The following CIB4 variants were observed in gnomAD, a reference collection of about 807,000 sequenced individuals.
The protein encoded by CIB4 is calcium and integrin binding family member 4, also known as calcium and integrin-binding family member 4.
CIB4 carries 25 observed loss-of-function variants against 25.8 expected under a neutral mutation model. The ratio of observed to expected loss-of-function variants is 0.97; its 90% CI spans 0.71 to 1.35. The LOEUF (loss-of-function observed/expected upper bound fraction) is 1.35. Among genes scored for constraint, CIB4 ranks in the 40% most tolerant of loss-of-function variants. CIB4 has a pLI of 0.00. For synonymous variants in CIB4, 75 were observed against 81.4 expected, an observed-to-expected ratio of 0.92 and a Z score of 0.42; for missense variants, 235 against 228.2, an observed-to-expected ratio of 1.03 and a Z score of -0.19.
At chr2:26,618,848 T>C in intron 3 of CIB4, among the ~76,000 whole-genome samples, 1 of 152,160 alleles carries the variant, frequency 6.6e-6, no homozygotes, top group East Asian at 1.9e-4. Context: ...GGGAAGGAGA[T>C]GCTGACGGGC....
At chr2:26,632,508 G>A (rs1053192053) in intron 2 of CIB4, among the ~76,000 whole-genome samples, 2 of 152,190 alleles carry the variant, frequency 1.3e-5, no homozygotes, top group African/African-American at 4.8e-5. Flanking sequence ...TGTAATCCCA[G>A]CACTATGGGA....
At chr2:26,612,571 A>C (rs1438924027) in intron 3 of CIB4, among the ~76,000 whole-genome samples, 3 of 151,846 alleles carry the variant, frequency 2.0e-5, no homozygotes, top group African/African-American at 7.3e-5. Context: ...CTAAGGAGGA[A>C]GGGACTCAAG....
At position 26,615,335 on chromosome 2, in the gene CIB4, T is replaced by A. The variant is rs1238507546; in HGVS notation, c.186+14075A>T. Among the ~76,000 whole-genome samples, 7 of 152,062 alleles carry A rather than the reference T, an allele frequency of 4.6e-5. No individual in the cohort carries two copies. In the East Asian group the frequency reaches 1.4e-3, roughly 29 times the overall value. ...GGTGAGCAGTGGGAAGTGTTACCCA[T>A]CCGTTGTCCCCTGCAAGAGGTACCA... On this transcript the variant is annotated intron_variant, in intron 3 of 6. Coordinates refer to ENST00000288861, the MANE Select transcript of CIB4 (RefSeq NM_001029881.3).
intron 3 of CIB4, among the ~76,000 whole-genome samples, chr2:26,612,764 G>A (rs573019818): frequency 5.3e-5 from 8 of 152,320 alleles, no homozygotes; most frequent in South Asian, 2.1e-4. Context: ...GCTGCTCCCC[G>A]TGACGACTTT....
intron 3 of CIB4, among the ~76,000 whole-genome samples, chr2:26,597,483 T>G (rs1409285300): frequency 6.6e-6 from 1 of 152,038 alleles, no homozygotes; most frequent in Admixed American, 6.5e-5. Context: ...AGCTCAATCT[T>G]AAAGCAAGAT....
chr2:26,634,621 C>T (rs546623147), intron 2 of CIB4, among the ~76,000 whole-genome samples: 1 of 152,288 alleles, frequency 6.6e-6, no homozygotes, highest in South Asian at 2.1e-4. Flanking sequence ...GACACTCCCC[C>T]GTGTTTGCAC....
chr2:26,637,991 G>A (rs1669565056), intron 2 of CIB4, among the ~76,000 whole-genome samples: 1 of 152,086 alleles, frequency 6.6e-6, no homozygotes, highest in Admixed American at 6.5e-5. Flanking sequence ...ATGCAGTGGC[G>A]TCCCCAACCC....
rs1259404958 is a variant in CIB4 at position 26,601,227 on chromosome 2, AAAAAATAT to A, written c.187-5918_187-5911del. Among the ~76,000 whole-genome samples, 43 of 44,382 alleles carry A rather than the reference AAAAAATAT, an allele frequency of 9.7e-4. 1 individual carries two copies. Among genetic ancestry groups the A allele is most frequent in the East Asian group, 3.8e-3 (4 of 1,050 alleles). 29.1% of individuals were successfully genotyped at this position (44,382 alleles called of 152,430 possible). A position where few individuals can be genotyped will look rare whatever the true frequency, so the allele number is the denominator to read the frequency against. On this transcript the variant is annotated intron_variant, in intron 3 of 6. Coordinates refer to ENST00000288861, the MANE Select transcript of CIB4 (RefSeq NM_001029881.3). ...AGAGTGAGACCATGTCAAAAAAAAA[AAAAAATAT>A]ATATATATATATATATATATATATA...
At chr2:26,593,566 T>C (rs1026727859) in intron 4 of CIB4, among the ~76,000 whole-genome samples, 1 of 152,194 alleles carries the variant, frequency 6.6e-6, no homozygotes, top group Admixed American at 6.5e-5. Flanking sequence ...AATTCCAACA[T>C]CTAGGTCATG....
At chr2:26,615,975 C>A (rs1222679306) in intron 3 of CIB4, among the ~76,000 whole-genome samples, 1 of 152,226 alleles carries the variant, frequency 6.6e-6, no homozygotes, top group Non-Finnish European at 1.5e-5. Flanking sequence ...CGACTGGCAT[C>A]AGGCGTCGGG....
Position 26,627,804 on chromosome 2 carries a change from T to A in CIB4, c.186+1606A>T, listed in dbSNP as rs7595672. 0.13 allele frequency among the ~76,000 whole-genome samples: 19,042 copies of A among 143,040 alleles called. 1,537 individuals are homozygous for A. The highest frequency in any genetic ancestry group is 0.25 in the Admixed American group (3,637 of 14,656). The allele number at this position is 143,040 out of a possible 152,430, so 93.8% of individuals were successfully genotyped here. A position where few individuals can be genotyped will look rare whatever the true frequency, so the allele number is the denominator to read the frequency against. On this transcript the variant is annotated intron_variant, in intron 3 of 6. Coordinates refer to ENST00000288861, the MANE Select transcript of CIB4 (RefSeq NM_001029881.3). The surrounding 1 kb of genome is among the most constrained non-coding windows in gnomAD (Gnocchi z 4.0). ...TTTCTCATTATTTTGTCTTCTCCAC[T>A]CCTGCCTCTATTTCAAGACCCAGCT...
Position 26,623,568 on chromosome 2 carries a change from C to T in CIB4, c.186+5842G>A, listed in dbSNP as rs186918721. The T allele has an allele frequency of 4.8e-3, 2,245 of 471,294 alleles. 11 individuals carry two copies. Among genetic ancestry groups the T allele is most frequent in the South Asian group, 7.5e-3 (481 of 64,524 alleles). 29.2% of individuals were successfully genotyped at this position (471,294 alleles called of 1,614,324 possible). Reference sequence around the variant, plus strand: ...AAAACTTTGGGAGATACATAGAAACCGAGATGGAGCTGAAACCTTAGGGGC... The same window carrying T: ...AAAACTTTGGGAGATACATAGAAACTGAGATGGAGCTGAAACCTTAGGGGC... On this transcript the variant is annotated intron_variant, in intron 3 of 6. Transcript: ENST00000288861.
At chr2:26,619,513 C>T (rs1377966945) in intron 3 of CIB4, among the ~76,000 whole-genome samples, 3 of 152,182 alleles carry the variant, frequency 2.0e-5, no homozygotes, top group Admixed American at 6.5e-5. Flanking sequence ...GGTAAAGCGA[C>T]AGGGTGAAAG....
chr2:26,584,299 G>A (rs907683503), intron 4 of CIB4, among the ~76,000 whole-genome samples: 2 of 152,124 alleles, frequency 1.3e-5, no homozygotes, highest in South Asian at 4.1e-4. Context: ...ATCCACCCCT[G>A]CGCTTTGCAA....
At chr2:26,635,102 A>G (rs1318300045) in intron 2 of CIB4, among the ~76,000 whole-genome samples, 2 of 152,272 alleles carry the variant, frequency 1.3e-5, no homozygotes, top group Admixed American at 1.3e-4. Context: ...TGGGACAACC[A>G]ATTCAAACAG....
intron 5 of CIB4, 75 bp from the exon 6 acceptor site, chr2:26,582,988 G>A: frequency 1.0e-6 from 1 of 974,226 alleles, no homozygotes; most frequent in Middle Eastern, 2.1e-4. Flanking sequence ...GGTGGAGGGG[G>A]AAAGCCACAT....
chr2:26,594,844 C>T (rs533206150), intron 4 of CIB4, among the ~76,000 whole-genome samples: 14 of 152,278 alleles, frequency 9.2e-5, no homozygotes, highest in East Asian at 7.7e-4. Flanking sequence ...TCCCATCCAA[C>T]GCTCCTTCTG....
chr2:26,611,965 G>T (rs1045497491), intron 3 of CIB4, among the ~76,000 whole-genome samples: 1 of 152,092 alleles, frequency 6.6e-6, no homozygotes, highest in Non-Finnish European at 1.5e-5. Context: ...TTTATGTTAG[G>T]GTCGTTGGAT....
At chr2:26,617,744 C>T (rs1205911194) in intron 3 of CIB4, among the ~76,000 whole-genome samples, 1 of 151,948 alleles carries the variant, frequency 6.6e-6, no homozygotes, top group East Asian at 1.9e-4. Flanking sequence ...GATCAAAGAG[C>T]CCCCTGCGGC....
Sources: gnomAD v4.1 joint callset for allele counts (sites outside exome capture counted in the v4.1 genomes callset) on GRCh38, gnomAD v4.1.1 for gene constraint, Gnocchi (gnomAD v3.1) non-coding constraint, MANE v1.5 for transcripts, NCBI Gene and HGNC (gene_info 2026-07-23, HGNC 2026-07-21) for gene names.